The following TAS2R1 variants were observed in gnomAD, a reference collection of about 807,000 sequenced individuals.
TAS2R1 encodes the protein taste 2 receptor member 1, also known as taste receptor type 2 member 1.
For synonymous variants in TAS2R1, 141 were observed against 134.2 expected (o/e 1.05, Z -0.35); for missense variants, 370 against 353.4 (o/e 1.05, Z -0.38).
the TAS2R1 span, among the ~76,000 whole-genome samples, chr5:9,721,832 ATATCTACT>A: frequency 6.6e-6 from 1 of 152,212 alleles, no homozygotes; most frequent in African/African-American, 2.4e-5. Flanking sequence ...TTTTCCAAAA[ATATCTACT>A]TTTTCTACTA....
chr5:9,900,225 G>A, the TAS2R1 span, among the ~76,000 whole-genome samples: 2 of 152,126 alleles, frequency 1.3e-5, no homozygotes, highest in African/African-American at 4.8e-5. Flanking sequence ...AGATTATAAT[G>A]ATAATGAGGC....
chr5:9,846,349 A>G, the TAS2R1 span, among the ~76,000 whole-genome samples: 1 of 152,146 alleles, frequency 6.6e-6, no homozygotes, highest in Non-Finnish European at 1.5e-5. Flanking sequence ...ACAATGTTTC[A>G]TCCATTCTGG....
At chr5:9,804,000 C>T in the TAS2R1 span, among the ~76,000 whole-genome samples, 1 of 152,114 alleles carries the variant, frequency 6.6e-6, no homozygotes, top group African/African-American at 2.4e-5. Context: ...AGAGACTCAC[C>T]TAACACATAA....
At chr5:9,743,087 G>A in the TAS2R1 span, among the ~76,000 whole-genome samples, 1 of 151,496 alleles carries the variant, frequency 6.6e-6, no homozygotes, top group Non-Finnish European at 1.5e-5. Flanking sequence ...AAAAGCCTGA[G>A]CCTCTTTCTT....
chr5:9,694,266 A>G (rs1160695504), intron 1 of TAS2R1, among the ~76,000 whole-genome samples: 1 of 152,196 alleles, frequency 6.6e-6, no homozygotes, highest in Non-Finnish European at 1.5e-5. Context: ...AATCAAACAC[A>G]TTTTAATGCA....
intron 1 of TAS2R1, among the ~76,000 whole-genome samples, chr5:9,708,794 G>C (rs927713848): frequency 6.6e-6 from 1 of 152,078 alleles, no homozygotes; most frequent in African/African-American, 2.4e-5. Context: ...TTAAACTCTC[G>C]ACATTTATTG....
chr5:9,681,051 G>A lies in TAS2R1; in HGVS notation c.-241-21470C>T, dbSNP rs147306448. Among the ~76,000 whole-genome samples the A allele has an allele frequency of 3.1e-3, 464 of 152,052 alleles. 2 individuals are homozygous for A. Among genetic ancestry groups the A allele is most frequent in the African/African-American group, 0.011 (447 of 41,474 alleles). On this transcript the variant is annotated intron_variant, in intron 1 of 2. Coordinates refer to the TAS2R1 transcript ENST00000506620. ...CACTCCAGCCTGGGTGACAGAGAGAGACTCCATCTCAATCAATCAATCAAT... is the reference window on the plus strand; with the variant it reads ...CACTCCAGCCTGGGTGACAGAGAGAAACTCCATCTCAATCAATCAATCAAT...
rs1740166228 is a variant in TAS2R1, at chr5:9,645,333, C to T, written c.-81+14088G>A. ...GTCATGCAGCTAAAAAGCAGCATTT[C>T]CAAGTTGTGGACCACAATCTGATTT... On this transcript the variant is annotated intron_variant, in intron 2 of 2. Transcript: ENST00000506620. Among the ~76,000 whole-genome samples the T allele has an allele frequency of 2.6e-5, 4 of 152,156 alleles. 1 individual carries two copies. Among genetic ancestry groups the T allele is most frequent in the Admixed American group, 2.0e-4 (3 of 15,270 alleles).
At chr5:9,659,286 G>A in intron 2 of TAS2R1, 1 of 152,272 alleles carries the variant, frequency 6.6e-6, no homozygotes, top group Non-Finnish European at 1.5e-5. Context: ...GAGACTCTGG[G>A]ACTGCAGTTA....
the TAS2R1 span, among the ~76,000 whole-genome samples, chr5:9,806,248 G>C: frequency 6.6e-6 from 1 of 151,832 alleles, no homozygotes; most frequent in Non-Finnish European, 1.5e-5. Context: ...GAAAGAAATC[G>C]TAGATAACAC....
chr5:9,701,045 A>G (rs1579790635), intron 1 of TAS2R1, among the ~76,000 whole-genome samples: 1 of 152,300 alleles, frequency 6.6e-6, no homozygotes, highest in East Asian at 1.9e-4. Flanking sequence ...TCTCAAAAAA[A>G]TGATGGAGTT....
At chr5:9,800,436 G>A in the TAS2R1 span, among the ~76,000 whole-genome samples, 4 of 152,192 alleles carry the variant, frequency 2.6e-5, no homozygotes, top group Non-Finnish European at 5.9e-5. Flanking sequence ...GGGAGGGAGG[G>A]TCTACTGTGG....
chr5:9,789,858 A>G, the TAS2R1 span, among the ~76,000 whole-genome samples: 1 of 152,252 alleles, frequency 6.6e-6, no homozygotes, highest in Non-Finnish European at 1.5e-5. Context: ...GTATATTGCA[A>G]CAAGTATATT....
At chr5:9,860,665 G>A in the TAS2R1 span, among the ~76,000 whole-genome samples, 12 of 152,172 alleles carry the variant, frequency 7.9e-5, no homozygotes, top group Non-Finnish European at 1.5e-5. Context: ...CGGAAGGAGA[G>A]AGGGATAGAA....
chr5:9,769,666 A>G, the TAS2R1 span, among the ~76,000 whole-genome samples: 1,497 of 152,270 alleles, frequency 9.8e-3, 26 homozygotes, highest in African/African-American at 0.034. Context: ...ATGGTCAGCG[A>G]TGTTGACCCC....
the TAS2R1 span, among the ~76,000 whole-genome samples, chr5:9,815,658 A>C: frequency 2.4e-3 from 360 of 151,286 alleles, no homozygotes; most frequent in Non-Finnish European, 4.2e-3. Context: ...TGTATTGTAC[A>C]TTTGTTAAAT....
chr5:9,730,217 C>T, the TAS2R1 span, among the ~76,000 whole-genome samples: 1 of 152,152 alleles, frequency 6.6e-6, no homozygotes, highest in Non-Finnish European at 1.5e-5. Context: ...AAAGGAGGAT[C>T]AGACGGAAGC....
the TAS2R1 span, among the ~76,000 whole-genome samples, chr5:9,787,474 T>C: frequency 6.6e-6 from 1 of 152,156 alleles, no homozygotes; most frequent in Non-Finnish European, 1.5e-5. Flanking sequence ...CTGATGGAAA[T>C]ACAAGATACA....
At chr5:9,705,166 C>T (rs1244647151) in intron 1 of TAS2R1, among the ~76,000 whole-genome samples, 7 of 151,998 alleles carry the variant, frequency 4.6e-5, no homozygotes, top group South Asian at 2.1e-4. Context: ...CAGAAAATTG[C>T]GTGCAAGACA....
Sources: gnomAD v4.1 joint callset for allele counts (sites outside exome capture counted in the v4.1 genomes callset) on GRCh38, gnomAD v4.1.1 for gene constraint, MANE v1.5 for transcripts, NCBI Gene and HGNC (gene_info 2026-07-23, HGNC 2026-07-21) for gene names.